Variants in SYT17 observed in about 807,000 individuals in gnomAD.
SYT17 encodes the protein synaptotagmin 17.
In SYT17, 22 loss-of-function variants were observed where a neutral mutation model predicts 46.7. The observed-to-expected ratio is 0.47, with a 90% CI of 0.34 to 0.67. The LOEUF (loss-of-function observed/expected upper bound fraction) is 0.67, where lower values mean the gene tolerates loss of function less well. SYT17 is among the 30% of genes least tolerant of loss of function. The probability of loss-of-function intolerance (pLI) is 0.01; values close to 1 mark genes in which losing one functional copy is unlikely to be tolerated. For synonymous variants in SYT17, 251 were observed against 248.4 expected (o/e 1.01, Z -0.10); for missense variants, 519 against 612.8 (o/e 0.85, Z 1.62).
intron 3 of SYT17, among the ~76,000 whole-genome samples, chr16:19,176,967 C>T (rs892110409): frequency 3.9e-5 from 6 of 152,164 alleles, no homozygotes; most frequent in Non-Finnish European, 8.8e-5. Flanking sequence ...AGTAAGGAAT[C>T]TGGATTTTCT....
At chr16:19,203,307 AT>A (rs1965536900) in intron 5 of SYT17, among the ~76,000 whole-genome samples, 1 of 148,750 alleles carries the variant, frequency 6.7e-6, no homozygotes, top group Non-Finnish European at 1.5e-5. Context: ...CCTAGCCAAC[AT>A]GGTGAAACCC....
intron 7 of SYT17, among the ~76,000 whole-genome samples, chr16:19,261,506 T>A (rs1415105944): frequency 2.6e-5 from 4 of 152,260 alleles, no homozygotes; most frequent in African/African-American, 9.6e-5. Context: ...TTAGTTTTCA[T>A]CCTTTCTGGT....
At chr16:19,212,830 T>C (rs543197551) in intron 5 of SYT17, among the ~76,000 whole-genome samples, 26 of 152,296 alleles carry the variant, frequency 1.7e-4, no homozygotes, top group African/African-American at 5.8e-4. Context: ...ACCCACTTCC[T>C]AGGAGGATTT....
rs190932149 is a variant in SYT17, at chr16:19,257,226, C to T, written c.1229-9654C>T. ...CTGTCCCAGCAGCTGCTGTGAATCA[C>T]GAAGTGAGCCAGAAAAGCTTGAAAA... On this transcript the variant is annotated intron_variant, in intron 7 of 7. Transcript: ENST00000355377. Among the ~76,000 whole-genome samples the T allele has an allele frequency of 7.9e-5, 12 of 152,002 alleles. No homozygotes were observed. In the East Asian group the frequency reaches 1.9e-3, roughly 24 times the overall value.
At chr16:19,242,218 A>G (rs1967184717) in intron 7 of SYT17, among the ~76,000 whole-genome samples, 1 of 152,254 alleles carries the variant, frequency 6.6e-6, no homozygotes, top group African/African-American at 2.4e-5. Flanking sequence ...TTGGGGTGAG[A>G]TAAATGATAA....
intron 5 of SYT17, among the ~76,000 whole-genome samples, chr16:19,200,487 A>G (rs140834623): frequency 1.3e-5 from 2 of 152,286 alleles, no homozygotes; most frequent in African/African-American, 4.8e-5. Context: ...GCACATCTCA[A>G]TTTGCACTAG....
At chr16:19,200,105 A>T (rs930698631) in intron 5 of SYT17, among the ~76,000 whole-genome samples, 2 of 152,216 alleles carry the variant, frequency 1.3e-5, no homozygotes, top group Admixed American at 1.3e-4. Flanking sequence ...TATTGAAAGG[A>T]TAGTGGAGCA....
Position 19,262,886 on chromosome 16 carries a change from T to C in SYT17, c.1229-3994T>C, listed in dbSNP as rs796361973. Among the ~76,000 whole-genome samples the C allele has an allele frequency of 8.5e-5, 13 of 152,168 alleles. 1 individual carries two copies. Among genetic ancestry groups the C allele is most frequent in the African/African-American group, 2.9e-4 (12 of 41,526 alleles). On this transcript the variant is annotated intron_variant, in intron 7 of 7. Transcript: ENST00000355377. ...GGACACTATCTATAGAAACCATGAGTAGCCTCCAAGGTGGGCTGAGGGGTA... is the reference window on the plus strand; with the variant it reads ...GGACACTATCTATAGAAACCATGAGCAGCCTCCAAGGTGGGCTGAGGGGTA...
Position 19,172,780 on chromosome 16 carries a change from G to A in SYT17, c.33+3G>A. 1 of 1,613,982 alleles carries A rather than the reference G, an allele frequency of 6.2e-7. No homozygotes were observed. Among genetic ancestry groups the A allele is most frequent in the Non-Finnish European group, 8.5e-7 (1 of 1,180,006 alleles). On this transcript the variant is annotated splice_donor_region_variant and intron_variant, in intron 2 of 7. Coordinates refer to ENST00000355377, the MANE Select transcript of SYT17 (RefSeq NM_016524.4). The stretch of plus-strand genomic sequence containing the variant: ...GGCAGTTGGAACCATTAAACGAGGT[G>A]GGTTCATTTGATGATTTGTTTGGTC...
intron 5 of SYT17, among the ~76,000 whole-genome samples, chr16:19,201,968 G>C (rs1216992582): frequency 6.6e-6 from 1 of 152,148 alleles, no homozygotes; most frequent in Non-Finnish European, 1.5e-5. Flanking sequence ...AAGAGTTCAG[G>C]ATCTGGAGTT....
intron 5 of SYT17, among the ~76,000 whole-genome samples, chr16:19,194,621 G>A (rs1965160777): frequency 6.6e-6 from 1 of 152,106 alleles, no homozygotes; most frequent in African/African-American, 2.4e-5. Flanking sequence ...TTAGAGACAG[G>A]GTCTCACGCT....
intron 7 of SYT17, among the ~76,000 whole-genome samples, chr16:19,258,201 TCA>T (rs1968714585): frequency 6.6e-6 from 1 of 152,066 alleles, no homozygotes; most frequent in South Asian, 2.1e-4. Context: ...CCTCTAGAAC[TCA>T]CTCTTCTCAG....
intron 7 of SYT17, among the ~76,000 whole-genome samples, chr16:19,253,557 T>C (rs1050644864): frequency 6.6e-6 from 1 of 152,010 alleles, no homozygotes; most frequent in Non-Finnish European, 1.5e-5. Flanking sequence ...AAACTCTAGA[T>C]TGAGCCTGGG....
chr16:19,260,886 A>G (rs1394454387), intron 7 of SYT17, among the ~76,000 whole-genome samples: 1 of 152,230 alleles, frequency 6.6e-6, no homozygotes, highest in African/African-American at 2.4e-5. Flanking sequence ...AGGTTATTCA[A>G]ATACTGCAAA....
chr16:19,258,519 G>A (rs1294807745), intron 7 of SYT17, among the ~76,000 whole-genome samples: 1 of 152,148 alleles, frequency 6.6e-6, no homozygotes, highest in Non-Finnish European at 1.5e-5. Context: ...GTGCATACCT[G>A]TAGTCCCAGC....
rs61210797 is a variant in SYT17, at chr16:19,210,903, C to T, written c.952-12142C>T. Among the ~76,000 whole-genome samples the T allele has an allele frequency of 3.3e-3, 502 of 152,312 alleles. 2 individuals carry two copies. The highest frequency in any genetic ancestry group is 0.011 in the African/African-American group (474 of 41,566). On this transcript the variant is annotated intron_variant, in intron 5 of 7. Transcript: ENST00000355377. Reference sequence around the variant, plus strand: ...GAGAAGGAGTTCAAAGCAAACCTGTCAGGAGGAGAGCTGGGCTCTTGCTAT... The same window carrying T: ...GAGAAGGAGTTCAAAGCAAACCTGTTAGGAGGAGAGCTGGGCTCTTGCTAT...
At chr16:19,179,032 T>TAA (rs113720666) in intron 3 of SYT17, among the ~76,000 whole-genome samples, 4 of 145,616 alleles carry the variant, frequency 2.7e-5, no homozygotes, top group East Asian at 2.0e-4. Context: ...CCCTGTTTCT[T>TAA]AAAAAAAAAA....
At chr16:19,172,459 C>T (rs920380262) in intron 1 of SYT17, 21 of 1,449,846 alleles carry the variant, frequency 1.4e-5, no homozygotes, top group African/African-American at 1.0e-4. Context: ...ACTATCTATC[C>T]GCCCGCTCTG....
intron 7 of SYT17, among the ~76,000 whole-genome samples, chr16:19,266,583 G>A (rs1030608379): frequency 6.6e-6 from 1 of 152,110 alleles, no homozygotes; most frequent in Non-Finnish European, 1.5e-5. Flanking sequence ...TATTGCAGGC[G>A]GTGCAGCTGT....
Sources: gnomAD v4.1 joint callset for allele counts (sites outside exome capture counted in the v4.1 genomes callset) on GRCh38, gnomAD v4.1.1 for gene constraint, MANE v1.5 for transcripts, NCBI Gene and HGNC (gene_info 2026-07-23, HGNC 2026-07-21) for gene names.